HMGB2: variants seen among roughly 807,000 people sequenced by gnomAD.
The protein encoded by HMGB2 is high mobility group protein B2.
Under a neutral mutation model 23.0 loss-of-function variants are expected in HMGB2, and 2 were observed. The observed-to-expected ratio is 0.09, with a 90% CI of 0.04 to 0.27. The LOEUF is 0.27. Ranked by LOEUF, HMGB2 falls within the 10% of genes least tolerant of loss-of-function variation. The probability of loss-of-function intolerance (pLI) is 1.00; values close to 1 mark genes in which losing one functional copy is unlikely to be tolerated. For missense variants in HMGB2, 178 were observed against 256.5 expected (o/e 0.69, Z 2.09); for synonymous variants, 99 against 87.5 (o/e 1.13, Z -0.73).
At chr4:173,332,553 TA>T (rs199668972) in intron 4 of HMGB2, 8,016 of 393,204 alleles carry the variant, frequency 0.02, no homozygotes, top group Middle Eastern at 0.031. Flanking sequence ...ACTCTCTGCT[TA>T]AAAAAAAAAA....
In HMGB2 at chr4:173,333,688, G is replaced by C. The variant is rs753750055; in HGVS notation, c.-20-19C>G. 4.5e-6 allele frequency: 7 copies of C among 1,563,462 alleles called. No individual in the cohort carries two copies. In the East Asian group the frequency reaches 1.4e-4, roughly 32 times the overall value. ...CGTCCACCTGACGGGGCCGAGGGGG[G>C]AGAGGGGAAGCCGGAGGGTCGGCGC... On this transcript the variant is annotated intron_variant, in intron 1 of 4. Transcript: ENST00000296503. This position sits in a 1 kb window ranked among gnomAD's most constrained non-coding sequence, Gnocchi z 4.6.
In HMGB2 at chr4:173,331,923, A is replaced by T. The variant is rs1738107506; in HGVS notation, c.*157T>A. ...AAAAGCTACAACCTGCATTTTTTAA[A>T]AGTATTTTCTCTACAGAGAATCTTA... On this transcript the variant is annotated 3_prime_UTR_variant, in exon 5 of 5. Transcript: ENST00000296503. The T allele has an allele frequency of 9.2e-7, 1 of 1,089,840 alleles. No individual in the cohort carries two copies. Among genetic ancestry groups the T allele is most frequent in the Non-Finnish European group, 1.3e-6 (1 of 774,928 alleles). The allele number at this position is 1,089,840 out of a possible 1,614,324, so 67.5% of individuals were successfully genotyped here.
At chr4:173,332,322 T>C (rs1578934025) in intron 4 of HMGB2, 84 bp from the exon 5 acceptor site, 3 of 1,045,712 alleles carry the variant, frequency 2.9e-6, no homozygotes, top group African/African-American at 1.6e-5. Flanking sequence ...TCTAAGATGA[T>C]TGACCAATAA....
chr4:173,333,676 G>A lies in HMGB2; in HGVS notation c.-20-7C>T, dbSNP rs1221719756. ...TTGACAGATCCGCGTCCACCTGACG[G>A]GGCCGAGGGGGGAGAGGGGAAGCCG... is the stretch of plus-strand genomic sequence containing the variant. On this transcript the variant is annotated splice_region_variant and splice_polypyrimidine_tract_variant and intron_variant, in intron 1 of 4. Transcript: ENST00000296503. The surrounding 1 kb of genome is among the most constrained non-coding windows in gnomAD (Gnocchi z 4.6). The A allele has an allele frequency of 5.1e-6, 8 of 1,580,130 alleles. No homozygotes were observed. The highest frequency in any genetic ancestry group is 6.9e-6 in the Non-Finnish European group (8 of 1,159,638).
In HMGB2 at chr4:173,331,391, T is replaced by TAC. The variant is rs1738089710; in HGVS notation, c.*688_*689insGT. On this transcript the variant is annotated 3_prime_UTR_variant, in exon 5 of 5. Transcript: ENST00000296503. ...ATATATATACATATATATATATATA[T>TAC]ATATGTATATATATATACACACACC... 7.0e-6 allele frequency among the ~76,000 whole-genome samples: 1 copy of TAC among 142,034 alleles called. No individual in the cohort carries two copies. The highest frequency in any genetic ancestry group is 7.0e-5 in the Admixed American group (1 of 14,370). The allele number at this position is 142,034 out of a possible 152,430, so 93.2% of individuals were successfully genotyped here.
chr4:173,332,934 G>C lies in HMGB2; in HGVS notation c.358C>G (p.Leu120Val), dbSNP rs1194049858. The C allele has an allele frequency of 1.2e-6, 2 of 1,614,066 alleles. No individual in the cohort carries two copies. Among genetic ancestry groups the C allele is most frequent in the Non-Finnish European group, 1.7e-6 (2 of 1,180,032 alleles). The change falls in exon 4 of 5, where the codon CTA becomes GTA. Residue 120 changes from leucine to valine, a missense_variant. By Grantham distance (32) the Leu-to-Val change is conservative. Coordinates refer to ENST00000296503, the MANE Select transcript of HMGB2 (RefSeq NM_002129.4). ...TTCTTTGCAGTATCCCCAATGGATA[G>C]GCCAGGGTGTTCACTTTTGATCTTT... ...RPKIKSEHPG[L>V]SIGDTAKKLG...
At position 173,331,811 on chromosome 4, in the gene HMGB2, A is replaced by G; in HGVS notation, c.*269T>C. On this transcript the variant is annotated 3_prime_UTR_variant, in exon 5 of 5. Transcript: ENST00000296503. ...ATTCCTACAAGTTTGCTGTGCTACCATACACAAGAAATTAAAAAAACCATT... is the reference window on the plus strand; with the variant it reads ...ATTCCTACAAGTTTGCTGTGCTACCGTACACAAGAAATTAAAAAAACCATT... 1 of 363,374 alleles carries G rather than the reference A, an allele frequency of 2.8e-6. No individual in the cohort carries two copies. Among genetic ancestry groups the G allele is most frequent in the Non-Finnish European group, 4.9e-6 (1 of 202,810 alleles). The allele number at this position is 363,374 out of a possible 1,614,324, so 22.5% of individuals were successfully genotyped here.
At position 173,333,752 on chromosome 4, in the gene HMGB2, C is replaced by G. The variant is rs902605947; in HGVS notation, c.-20-83G>C. The G allele has an allele frequency of 9.4e-5, 107 of 1,132,618 alleles. No homozygotes were observed. In the African/African-American group the frequency reaches 1.7e-3, roughly 18 times the overall value. 70.2% of individuals were successfully genotyped at this position (1,132,618 alleles called of 1,614,324 possible). ...GCCAGGGCGGGCGCTGGCGGGGCTCCGCTTCCCGCCCAAATCCGCTCCCGC... is the reference window on the plus strand; with the variant it reads ...GCCAGGGCGGGCGCTGGCGGGGCTCGGCTTCCCGCCCAAATCCGCTCCCGC... On this transcript the variant is annotated intron_variant, in intron 1 of 4. Transcript: ENST00000296503. This position sits in a 1 kb window ranked among gnomAD's most constrained non-coding sequence, Gnocchi z 4.6.
chr4:173,331,920 TAA>T lies in HMGB2; in HGVS notation c.*158_*159del, dbSNP rs1422781555. On this transcript the variant is annotated 3_prime_UTR_variant, in exon 5 of 5. Coordinates refer to ENST00000296503, the MANE Select transcript of HMGB2 (RefSeq NM_002129.4). Reference sequence around the variant, plus strand: ...TCAAAAAGCTACAACCTGCATTTTTTAAAAGTATTTTCTCTACAGAGAATCTT... The same window carrying T: ...TCAAAAAGCTACAACCTGCATTTTTTAAGTATTTTCTCTACAGAGAATCTT... 22 of 1,071,198 alleles carry T rather than the reference TAA, an allele frequency of 2.1e-5. No homozygotes were observed. The highest frequency in any genetic ancestry group is 2.8e-5 in the Non-Finnish European group (21 of 758,424). 66.4% of individuals were successfully genotyped at this position (1,071,198 alleles called of 1,614,324 possible). A position where few individuals can be genotyped will look rare whatever the true frequency, so the allele number is the denominator to read the frequency against.
In HMGB2 at chr4:173,332,488, T is replaced by C. The variant is rs531136671; in HGVS notation, c.472-250A>G. ...CCCTTTTACATCACACACAGTGCCA[T>C]AGTCCCTCCTGTACCTTCACATTTT... On this transcript the variant is annotated intron_variant, in intron 4 of 4. Coordinates refer to ENST00000296503, the MANE Select transcript of HMGB2 (RefSeq NM_002129.4). 1.9e-4 allele frequency: 97 copies of C among 513,612 alleles called. No individual in the cohort carries two copies. The Admixed American group carries it at 2.0e-3, about 11-fold the overall frequency. 31.8% of individuals were successfully genotyped at this position (513,612 alleles called of 1,614,324 possible).
rs1487010539 is a variant in HMGB2, at chr4:173,333,006, G to A, written c.297-11C>T. 6.2e-7 allele frequency: 1 copy of A among 1,613,432 alleles called. No homozygotes were observed. Among genetic ancestry groups the A allele is most frequent in the Non-Finnish European group, 8.5e-7 (1 of 1,179,514 alleles). ...AGGAAGAAGGCAGATCTGAAAGGAAGCAACAGAGTTTAATAAACTGAAGGA... is the reference window on the plus strand; with the variant it reads ...AGGAAGAAGGCAGATCTGAAAGGAAACAACAGAGTTTAATAAACTGAAGGA... On this transcript the variant is annotated splice_polypyrimidine_tract_variant and intron_variant, in intron 3 of 4. Transcript: ENST00000296503. This position sits in a 1 kb window ranked among gnomAD's most constrained non-coding sequence, Gnocchi z 4.6.
At chr4:173,332,274 C>G in intron 4 of HMGB2, 36 bp from the exon 5 acceptor site, 1 of 1,474,120 alleles carries the variant, frequency 6.8e-7, no homozygotes, top group Non-Finnish European at 9.2e-7. Flanking sequence ...CATCCGGTAT[C>G]ATTACTCAAC....
In HMGB2 at chr4:173,331,825, A is replaced by T. The variant is rs911933213; in HGVS notation, c.*255T>A. On this transcript the variant is annotated 3_prime_UTR_variant, in exon 5 of 5. Transcript: ENST00000296503. ...GCTGTGCTACCATACACAAGAAATTAAAAAAACCATTAAATATTTAGGAAC... is the reference window on the plus strand; with the variant it reads ...GCTGTGCTACCATACACAAGAAATTTAAAAAACCATTAAATATTTAGGAAC... 38 of 397,088 alleles carry T rather than the reference A, an allele frequency of 9.6e-5. No individual in the cohort carries two copies. The highest frequency in any genetic ancestry group is 6.6e-4 in the Middle Eastern group (1 of 1,510). 24.6% of individuals were successfully genotyped at this position (397,088 alleles called of 1,614,324 possible). A position where few individuals can be genotyped will look rare whatever the true frequency, so the allele number is the denominator to read the frequency against.
rs1220373861 is a variant in HMGB2, at chr4:173,333,852, C to A, written c.-20-183G>T. Among the ~76,000 whole-genome samples, 2 of 151,330 alleles carry A rather than the reference C, an allele frequency of 1.3e-5. No homozygotes were observed. The highest frequency in any genetic ancestry group is 2.0e-4 in the East Asian group (1 of 5,088). On this transcript the variant is annotated intron_variant, in intron 1 of 4. Coordinates refer to ENST00000296503, the MANE Select transcript of HMGB2 (RefSeq NM_002129.4). The surrounding 1 kb of genome is among the most constrained non-coding windows in gnomAD (Gnocchi z 4.6). ...CCGCGCCCCCGCCCGCGCCCCGGCG[C>A]ACACCCTCCTCCTCCTCCTCCTCCC...
intron 4 of HMGB2, chr4:173,332,588 A>G (rs1157039072): frequency 5.5e-6 from 3 of 542,708 alleles, no homozygotes; most frequent in Non-Finnish European, 6.5e-6. Flanking sequence ...AGACTATACA[A>G]TAACTACAAG....
In HMGB2 at chr4:173,331,386, A is replaced by ATG. The variant is rs1553961352; in HGVS notation, c.*693_*694insCA. Among the ~76,000 whole-genome samples the ATG allele has an allele frequency of 1.4e-5, 2 of 139,588 alleles. No individual in the cohort carries two copies. The highest frequency in any genetic ancestry group is 5.9e-5 in the African/African-American group (2 of 33,812). 91.6% of individuals were successfully genotyped at this position (139,588 alleles called of 152,430 possible). A position where few individuals can be genotyped will look rare whatever the true frequency, so the allele number is the denominator to read the frequency against. The stretch of plus-strand genomic sequence containing the variant: ...TGTGTATATATATACATATATATAT[A>ATG]TATATATATGTATATATATATACAC... On this transcript the variant is annotated 3_prime_UTR_variant, in exon 5 of 5. Coordinates refer to ENST00000296503, the MANE Select transcript of HMGB2 (RefSeq NM_002129.4).
Position 173,331,875 on chromosome 4 carries a change from C to CT in HMGB2, c.*204dup, listed in dbSNP as rs778901326. 1.2e-5 allele frequency: 7 copies of CT among 583,422 alleles called. No homozygotes were observed. The highest frequency in any genetic ancestry group is 1.7e-5 in the Non-Finnish European group (6 of 344,488). 36.1% of individuals were successfully genotyped at this position (583,422 alleles called of 1,614,324 possible). ...CATTCAACATCAGAAGCTGTAAAAT[C>CT]TAACTGTATGAGTAGCCCATCAAAA... is the stretch of plus-strand genomic sequence containing the variant. On this transcript the variant is annotated 3_prime_UTR_variant, in exon 5 of 5. Coordinates refer to ENST00000296503, the MANE Select transcript of HMGB2 (RefSeq NM_002129.4).
chr4:173,332,782 C>G (rs1219709740), intron 4 of HMGB2, 39 bp downstream of exon 4: 2 of 1,563,486 alleles, frequency 1.3e-6, no homozygotes, highest in Non-Finnish European at 1.8e-6. Context: ...TTACCTATAC[C>G]TAGTCTTATC....
Position 173,333,686 on chromosome 4 carries a change from G to C in HMGB2, c.-20-17C>G. 6.4e-7 allele frequency: 1 copy of C among 1,565,176 alleles called. No homozygotes were observed. The highest frequency in any genetic ancestry group is 8.7e-7 in the Non-Finnish European group (1 of 1,151,536). ...CGCGTCCACCTGACGGGGCCGAGGG[G>C]GGAGAGGGGAAGCCGGAGGGTCGGC... On this transcript the variant is annotated splice_polypyrimidine_tract_variant and intron_variant, in intron 1 of 4. Coordinates refer to ENST00000296503, the MANE Select transcript of HMGB2 (RefSeq NM_002129.4). This position sits in a 1 kb window ranked among gnomAD's most constrained non-coding sequence, Gnocchi z 4.6.
Sources: allele counts gnomAD v4.1 joint callset (sites outside exome capture counted in the v4.1 genomes callset), GRCh38; gene constraint gnomAD v4.1.1; non-coding constraint Gnocchi (gnomAD v3.1); transcripts MANE v1.5; gene names NCBI Gene and HGNC (gene_info 2026-07-23, HGNC 2026-07-21).